The following ALMS1 variants were observed in gnomAD, a reference collection of about 807,000 sequenced individuals.
ALMS1 encodes ALMS1 centrosome and basal body associated protein, also known as centrosome-associated protein ALMS1.
Under a neutral mutation model 352.2 loss-of-function variants are expected in ALMS1, and 271 were observed. The observed-to-expected ratio is 0.77, with a 90% CI of 0.70 to 0.85. The LOEUF is 0.85. ALMS1 is among the 40% of genes least tolerant of loss of function. The pLI is 0.00. For synonymous variants in ALMS1, 1,865 were observed against 1,761.2 expected (o/e 1.06, Z -1.48); for missense variants, 5,445 against 4,870.7 (o/e 1.12, Z -3.51).
chr2:73,565,035 C>T (rs1047920953), intron 15 of ALMS1, among the ~76,000 whole-genome samples: 5 of 152,190 alleles, frequency 3.3e-5, no homozygotes, highest in Admixed American at 1.3e-4. Flanking sequence ...ACATGCCTTT[C>T]GGATGCAAAT....
chr2:73,556,643 T>G lies in ALMS1; in HGVS notation c.10079-577T>G, dbSNP rs1464598792. Among the ~76,000 whole-genome samples the G allele has an allele frequency of 4.5e-3, 640 of 140,928 alleles. 5 individuals carry two copies. The highest frequency in any genetic ancestry group is 6.0e-3 in the Non-Finnish European group (405 of 67,342). 92.5% of individuals were successfully genotyped at this position (140,928 alleles called of 152,430 possible). A position where few individuals can be genotyped will look rare whatever the true frequency, so the allele number is the denominator to read the frequency against. On this transcript the variant is annotated intron_variant, in intron 13 of 22. Transcript: ENST00000613296. Reference sequence around the variant, plus strand: ...CATACCTGATCTTTCCTTTTTTTTTTTGTTTTTTTTTTTACTGTTGCATCA... The same window carrying G: ...CATACCTGATCTTTCCTTTTTTTTTGTGTTTTTTTTTTTACTGTTGCATCA...
At chr2:73,553,467 T>TC (rs1674481632) in intron 13 of ALMS1, among the ~76,000 whole-genome samples, 1 of 152,176 alleles carries the variant, frequency 6.6e-6, no homozygotes, top group Non-Finnish European at 1.5e-5. Context: ...TGTGATTGAC[T>TC]ATACTTAGAG....
At chr2:73,458,177 T>C (rs1287034851) in intron 9 of ALMS1, 1 of 152,184 alleles carries the variant, frequency 6.6e-6, no homozygotes. Flanking sequence ...AACTGAGTAG[T>C]TGCGAAATAG....
chr2:73,519,914 C>T lies in ALMS1; in HGVS notation c.9679C>T (p.His3227Tyr). 1 of 1,614,092 alleles carries T rather than the reference C, an allele frequency of 6.2e-7. No individual in the cohort carries two copies. The highest frequency in any genetic ancestry group is 8.5e-7 in the Non-Finnish European group (1 of 1,179,974). ...TTTTATTAATGCTGAAGATCGTGGA[C>T]ATGAAATTATAGAGCCTGGTAACCA... ...EIFINAEDRG[H>Y]EIIEPGNQKL... The change falls in exon 11 of 23, where the codon CAT (histidine) becomes TAT (tyrosine). Residue 3227 changes from histidine to tyrosine, a missense_variant. His to Tyr is a moderately conservative substitution (Grantham distance 83). Coordinates refer to ENST00000613296, the MANE Select transcript of ALMS1 (RefSeq NM_001378454.1).
rs188944019 is a variant in ALMS1, at chr2:73,411,745, C to T, written c.450+2998C>T. Among the ~76,000 whole-genome samples, 291 of 152,240 alleles carry T rather than the reference C, an allele frequency of 1.9e-3. 2 individuals are homozygous for T. The highest frequency in any genetic ancestry group is 2.8e-3 in the Non-Finnish European group (193 of 68,018). ...AACTAGCTCTTGCTACATTGTCTTCCTCTCTTTTATTGGTTTCTTTCACTT... is the reference window on the plus strand; with the variant it reads ...AACTAGCTCTTGCTACATTGTCTTCTTCTCTTTTATTGGTTTCTTTCACTT... On this transcript the variant is annotated intron_variant, in intron 2 of 22. Coordinates refer to ENST00000613296, the MANE Select transcript of ALMS1 (RefSeq NM_001378454.1).
intron 1 of ALMS1, among the ~76,000 whole-genome samples, chr2:73,398,820 C>A (rs1260278291): frequency 6.6e-6 from 1 of 151,804 alleles, no homozygotes; most frequent in Non-Finnish European, 1.5e-5. Context: ...CTTATTAATT[C>A]CAGGAAAGTT....
intron 21 of ALMS1, chr2:73,604,113 AT>A (rs1354686178): frequency 6.6e-6 from 1 of 152,246 alleles, no homozygotes; most frequent in Non-Finnish European, 1.5e-5. Flanking sequence ...TGCATAGAAT[AT>A]TTCTGGAAGA....
intron 2 of ALMS1, 67 bp downstream of exon 2, chr2:73,408,814 A>C: frequency 7.0e-7 from 1 of 1,433,740 alleles, no homozygotes; most frequent in Non-Finnish European, 9.6e-7. Flanking sequence ...TGATTTAGCT[A>C]TGAAGAATGG....
At chr2:73,461,550 T>G (rs1038991628) in intron 9 of ALMS1, among the ~76,000 whole-genome samples, 21 of 152,084 alleles carry the variant, frequency 1.4e-4, no homozygotes, top group Admixed American at 1.2e-3. Flanking sequence ...GCAGAGCGCC[T>G]CTCCTCCTCC....
intron 2 of ALMS1, 114 bp downstream of exon 2, chr2:73,408,861 T>TTTA: frequency 1.3e-6 from 1 of 790,226 alleles, no homozygotes; most frequent in Non-Finnish European, 1.8e-6. Context: ...TATGTTTTCT[T>TTTA]GTCTTTTTTT....
intron 7 of ALMS1, among the ~76,000 whole-genome samples, chr2:73,440,576 A>G (rs1671699416): frequency 6.6e-6 from 1 of 150,528 alleles, no homozygotes; most frequent in Non-Finnish European, 1.5e-5. Flanking sequence ...GGCGTGTGCT[A>G]CCACGCCCAG....
At chr2:73,509,166 G>A (rs1673399121) in intron 10 of ALMS1, among the ~76,000 whole-genome samples, 1 of 151,952 alleles carries the variant, frequency 6.6e-6, no homozygotes. Context: ...TGCGTCTCCT[G>A]AATACAGCAC....
chr2:73,535,908 T>C (rs1674017054), intron 12 of ALMS1, among the ~76,000 whole-genome samples: 2 of 152,180 alleles, frequency 1.3e-5, no homozygotes, highest in Admixed American at 1.3e-4. Context: ...AAGTTGCCCC[T>C]GGTCTTAGGC....
chr2:73,508,583 T>G (rs891868687), intron 10 of ALMS1, among the ~76,000 whole-genome samples: 1 of 152,180 alleles, frequency 6.6e-6, no homozygotes, highest in Non-Finnish European at 1.5e-5. Context: ...TTCATTCTTC[T>G]GCATTTTCTG....
intron 9 of ALMS1, among the ~76,000 whole-genome samples, chr2:73,466,390 A>C (rs564586511): frequency 6.6e-6 from 1 of 151,246 alleles, no homozygotes; most frequent in South Asian, 2.1e-4. Flanking sequence ...AAGGACAAAA[A>C]ACCAAACACC....
intron 9 of ALMS1, among the ~76,000 whole-genome samples, chr2:73,465,525 T>C (rs76234639): frequency 0.87 from 132,493 of 152,214 alleles, 57,748 homozygotes; most frequent in Admixed American, 0.92. Flanking sequence ...GTCCGAAAAC[T>C]GTGAAAACCC....
At chr2:73,532,577 C>G (rs764308895) in intron 11 of ALMS1, among the ~76,000 whole-genome samples, 1 of 152,076 alleles carries the variant, frequency 6.6e-6, no homozygotes, top group African/African-American at 2.4e-5. Context: ...AGGGCTCTTT[C>G]GTCACCTTGG....
intron 16 of ALMS1, among the ~76,000 whole-genome samples, chr2:73,591,630 T>C (rs1000062302): frequency 6.6e-6 from 1 of 152,196 alleles, no homozygotes; most frequent in African/African-American, 2.4e-5. Flanking sequence ...ATCATCCAAG[T>C]GAAAATATCT....
At chr2:73,607,810 ATTTT>A (rs537392249) in intron 21 of ALMS1, among the ~76,000 whole-genome samples, 5 of 131,488 alleles carry the variant, frequency 3.8e-5, no homozygotes, top group Admixed American at 7.6e-5. Context: ...TGCCCACCTA[ATTTT>A]TTTTTTTTTT....
Sources: allele counts gnomAD v4.1 joint callset (sites outside exome capture counted in the v4.1 genomes callset), GRCh38; gene constraint gnomAD v4.1.1; transcripts MANE v1.5; gene names NCBI Gene and HGNC (gene_info 2026-07-23, HGNC 2026-07-21).